The following OSBPL9 variants were observed in gnomAD, a reference collection of about 807,000 sequenced individuals.
The protein encoded by OSBPL9 is oxysterol binding protein like 9.
In OSBPL9, 40 loss-of-function variants were observed where a neutral mutation model predicts 106.6. The observed-to-expected ratio is 0.38, with a 90% confidence interval of 0.29 to 0.49. The LOEUF (loss-of-function observed/expected upper bound fraction) is 0.49. OSBPL9 is among the 20% of genes least tolerant of loss of function. OSBPL9 has a pLI of 0.97. For synonymous variants in OSBPL9, 269 were observed against 295.4 expected, an observed-to-expected ratio of 0.91 and a Z score of 0.92; for missense variants, 609 against 887.2, an observed-to-expected ratio of 0.69 and a Z score of 3.98.
upstream of OSBPL9, among the ~76,000 whole-genome samples, chr1:51,574,218 G>A (rs1482302738): frequency 6.6e-6 from 1 of 152,184 alleles, no homozygotes. Flanking sequence ...TTATCATGTG[G>A]AGTGGCTTGA....
intron 1 of OSBPL9, among the ~76,000 whole-genome samples, chr1:51,587,004 C>T (rs1461161269): frequency 6.6e-6 from 1 of 152,202 alleles, no homozygotes; most frequent in African/African-American, 2.4e-5. Flanking sequence ...TTCCTCATCT[C>T]TACTTCTACT....
chr1:51,732,965 T>G (rs931945753), intron 4 of OSBPL9, among the ~76,000 whole-genome samples: 1 of 152,202 alleles, frequency 6.6e-6, no homozygotes, highest in Non-Finnish European at 1.5e-5. Context: ...TCACAGTTAT[T>G]TGTCTTTTCA....
chr1:51,729,803 G>A lies in OSBPL9; in HGVS notation c.318+15724G>A, dbSNP rs1381457317. 8.1e-7 allele frequency: 1 copy of A among 1,238,298 alleles called. No individual in the cohort carries two copies. Among genetic ancestry groups the A allele is most frequent in the East Asian group, 3.2e-5 (1 of 31,618 alleles). The allele number at this position is 1,238,298 out of a possible 1,614,324, so 76.7% of individuals were successfully genotyped here. A position where few individuals can be genotyped will look rare whatever the true frequency, so the allele number is the denominator to read the frequency against. On this transcript the variant is annotated intron_variant, in intron 4 of 23. Transcript: ENST00000428468. The surrounding 1 kb of genome is among the most constrained non-coding windows in gnomAD (Gnocchi z 5.1). ...CCTCCGCCGGGGAGGGGACGGGAAA[G>A]GGGTGGGGGGTGAAGGGGGTGAAGG... is the stretch of plus-strand genomic sequence containing the variant.
In OSBPL9 at chr1:51,787,956, GCTTCC is replaced by G; in HGVS notation, c.*171_*175del. 3.3e-6 allele frequency: 2 copies of G among 602,790 alleles called. No homozygotes were observed. Among genetic ancestry groups the G allele is most frequent in the Non-Finnish European group, 5.7e-6 (2 of 353,336 alleles). 37.3% of individuals were successfully genotyped at this position (602,790 alleles called of 1,614,324 possible). On this transcript the variant is annotated 3_prime_UTR_variant, in exon 24 of 24. Transcript: ENST00000428468. ...CGCAGATGAACAATTAAGGGGAAAAGCTTCCCTTTTCCCTCTGTGGCAGTTACGAT... is the reference window on the plus strand; with the variant it reads ...CGCAGATGAACAATTAAGGGGAAAAGCTTTTCCCTCTGTGGCAGTTACGAT...
chr1:51,652,434 A>G (rs1407562998), intron 2 of OSBPL9, among the ~76,000 whole-genome samples: 2 of 152,198 alleles, frequency 1.3e-5, no homozygotes, highest in African/African-American at 4.8e-5. Flanking sequence ...CTATTTAATC[A>G]TGGTATATAT....
intron 3 of OSBPL9, among the ~76,000 whole-genome samples, chr1:51,690,497 T>C (rs114535698): frequency 0.013 from 1,984 of 152,328 alleles, 42 homozygotes; most frequent in African/African-American, 0.043. Context: ...ATTCATAAAT[T>C]GTTGAAAGAT....
At chr1:51,580,463 A>G (rs1001021505) in intron 1 of OSBPL9, among the ~76,000 whole-genome samples, 17 of 152,168 alleles carry the variant, frequency 1.1e-4, no homozygotes, top group African/African-American at 2.9e-4. Flanking sequence ...CAGGTCCTCT[A>G]TTTATCTTGG....
chr1:51,745,774 A>G, intron 5 of OSBPL9, 143 bp downstream of exon 5: 1 of 1,046,112 alleles, frequency 9.6e-7, no homozygotes, highest in Non-Finnish European at 1.3e-6. Context: ...TAAAAGATCT[A>G]GCTGACTTAT....
chr1:51,534,598 C>T, the OSBPL9 span, among the ~76,000 whole-genome samples: 2 of 152,196 alleles, frequency 1.3e-5, no homozygotes, highest in Non-Finnish European at 2.9e-5. Context: ...TAAAGGTGAA[C>T]AGTCAGATCC....
intron 3 of OSBPL9, among the ~76,000 whole-genome samples, chr1:51,675,244 T>A (rs1180349496): frequency 1.3e-5 from 2 of 152,134 alleles, no homozygotes; most frequent in Non-Finnish European, 2.9e-5. Context: ...GTTGGAGAGG[T>A]CACACCCTGT....
chr1:51,660,994 A>T lies in OSBPL9; in HGVS notation c.163-8440A>T, dbSNP rs572273851. Among the ~76,000 whole-genome samples the T allele has an allele frequency of 4.7e-4, 71 of 152,208 alleles. 1 individual carries two copies. In the East Asian group the frequency reaches 0.011, roughly 24 times the overall value. ...TGGACTTTTGGCAAACTTAAAAAAA[A>T]TTTTTTTTAAACCTGAGTCTCAGTT... On this transcript the variant is annotated intron_variant, in intron 2 of 23. Transcript: ENST00000428468.
chr1:51,731,265 T>TC (rs998956439), intron 4 of OSBPL9, among the ~76,000 whole-genome samples: 3 of 150,526 alleles, frequency 2.0e-5, no homozygotes, highest in Non-Finnish European at 3.0e-5. Context: ...GCCAGAACCT[T>TC]CCCCCCGCCC....
At chr1:51,786,202 CG>C in intron 21 of OSBPL9, 1 of 436,152 alleles carries the variant, frequency 2.3e-6, no homozygotes, top group East Asian at 4.4e-5. Context: ...AGGTATGTGG[CG>C]TATGTTTATA....
At position 51,776,914 on chromosome 1, in the gene OSBPL9, G is replaced by C. The variant is rs1294074207; in HGVS notation, c.1252G>C (p.Val418Leu). ...ADFFAHPDLF[V>L]SISDQKDPKD... ...CTTTTTTGCACATCCGGACCTGTTT[G>C]TGAGGTATTTGACTGAACATGGTAG... The change falls in exon 15 of 24, where the codon GTG (valine) becomes CTG (leucine). Residue 418 changes from valine (V) to leucine (L), a missense_variant. Val to Leu is a conservative substitution (Grantham distance 32). Coordinates refer to ENST00000428468, the MANE Select transcript of OSBPL9 (RefSeq NM_024586.6). The C allele has an allele frequency of 6.2e-7, 1 of 1,606,480 alleles. No individual in the cohort carries two copies. Among genetic ancestry groups the C allele is most frequent in the African/African-American group, 1.3e-5 (1 of 74,720 alleles).
chr1:51,729,866 C>A lies in OSBPL9; in HGVS notation c.319-15670C>A. 1 of 1,250,332 alleles carries A rather than the reference C, an allele frequency of 8.0e-7. No homozygotes were observed. The highest frequency in any genetic ancestry group is 1.0e-6 in the Non-Finnish European group (1 of 989,854). 77.5% of individuals were successfully genotyped at this position (1,250,332 alleles called of 1,614,324 possible). A position where few individuals can be genotyped will look rare whatever the true frequency, so the allele number is the denominator to read the frequency against. On this transcript the variant is annotated intron_variant, in intron 4 of 23. Transcript: ENST00000428468. The surrounding 1 kb of genome is among the most constrained non-coding windows in gnomAD (Gnocchi z 5.1). The stretch of plus-strand genomic sequence containing the variant: ...GGACGGGCTGAACCTCAGTCAGGAC[C>A]GCCTGCACCGCAGTCCGGGGATCGG...
At chr1:51,640,411 G>A (rs1645713614) in intron 1 of OSBPL9, among the ~76,000 whole-genome samples, 1 of 152,174 alleles carries the variant, frequency 6.6e-6, no homozygotes, top group Middle Eastern at 3.2e-3. Context: ...TCCTGTTGGA[G>A]ATACAATTAA....
chr1:51,740,052 T>G (rs977014728), intron 4 of OSBPL9: 2 of 1,503,032 alleles, frequency 1.3e-6, no homozygotes, highest in African/African-American at 2.8e-5. Flanking sequence ...TAGTTACAGA[T>G]TTTTCTCTTA....
chr1:51,589,151 C>T (rs962934036), intron 1 of OSBPL9, among the ~76,000 whole-genome samples: 3 of 151,742 alleles, frequency 2.0e-5, no homozygotes, highest in Non-Finnish European at 4.4e-5. Context: ...TGCAGTGGCA[C>T]GATCTCAACT....
At chr1:51,584,406 T>C (rs1177058889) in intron 1 of OSBPL9, among the ~76,000 whole-genome samples, 1 of 152,048 alleles carries the variant, frequency 6.6e-6, no homozygotes, top group African/African-American at 2.4e-5. Flanking sequence ...AATGAAAGGG[T>C]TGGATTCTAA....
Sources: allele counts gnomAD v4.1 joint callset (sites outside exome capture counted in the v4.1 genomes callset), GRCh38; gene constraint gnomAD v4.1.1; non-coding constraint Gnocchi (gnomAD v3.1); transcripts MANE v1.5; gene names NCBI Gene and HGNC (gene_info 2026-07-23, HGNC 2026-07-21).